Variants in ZNF800 observed in about 807,000 individuals in gnomAD.
The protein encoded by ZNF800 is zinc finger protein 800.
In ZNF800, 13 loss-of-function variants were observed where a neutral mutation model predicts 59.5. That is an observed-to-expected ratio of 0.22 (90% CI 0.14 to 0.35). The LOEUF (loss-of-function observed/expected upper bound fraction) is 0.35, where lower values mean the gene tolerates loss of function less well. ZNF800 is among the 10% of genes least tolerant of loss of function. ZNF800 has a pLI of 1.00. For missense variants in ZNF800, 621 were observed against 783.7 expected (o/e 0.79, Z 2.48); for synonymous variants, 266 against 265.7 (o/e 1.00, Z -0.01).
chr7:127,376,267 T>C (rs563334255), intron 4 of ZNF800, among the ~76,000 whole-genome samples: 16 of 152,046 alleles, frequency 1.1e-4, no homozygotes, highest in Non-Finnish European at 2.2e-4. Context: ...TTGCATTTCA[T>C]ACCAATCCCA....
intron 3 of ZNF800, among the ~76,000 whole-genome samples, chr7:127,379,671 T>C (rs1800896009): frequency 6.6e-6 from 1 of 152,004 alleles, no homozygotes; most frequent in South Asian, 2.1e-4. Flanking sequence ...CACAGAAAAA[T>C]AAAGACACTA....
intron 2 of ZNF800, among the ~76,000 whole-genome samples, chr7:127,386,746 A>G (rs1044697984): frequency 3.3e-5 from 5 of 152,248 alleles, no homozygotes; most frequent in Non-Finnish European, 7.3e-5. Flanking sequence ...AATAGTGACC[A>G]GATTAAATAA....
At chr7:127,381,555 AC>A in intron 3 of ZNF800, among the ~76,000 whole-genome samples, 1 of 152,218 alleles carries the variant, frequency 6.6e-6, no homozygotes, top group East Asian at 1.9e-4. Context: ...TCTAACAAAC[AC>A]TTATTGAGCA....
chr7:127,362,852 A>G (rs1199537518), intron 1 of ZNF800: 1 of 152,152 alleles, frequency 6.6e-6, no homozygotes, highest in Non-Finnish European at 1.5e-5. Context: ...TGTTTTAGGA[A>G]GATATTTCTA....
rs1801364865 is a variant in ZNF800, at chr7:127,392,389, A to G, written c.-388T>C. The G allele has an allele frequency of 2.6e-6, 1 of 380,714 alleles. No homozygotes were observed. Among genetic ancestry groups the G allele is most frequent in the Non-Finnish European group, 4.7e-6 (1 of 214,888 alleles). 23.6% of individuals were successfully genotyped at this position (380,714 alleles called of 1,614,324 possible). Reference sequence around the variant, plus strand: ...CCGCCCGGCAGCAGCTGCCGCCGCCACCACCGAAGGAGCCGGAACCGGAGC... The same window carrying G: ...CCGCCCGGCAGCAGCTGCCGCCGCCGCCACCGAAGGAGCCGGAACCGGAGC... On this transcript the variant is annotated 5_prime_UTR_variant, in exon 1 of 6. Transcript: ENST00000265827.
chr7:127,345,398 C>G (rs1162111233), downstream of ZNF800, among the ~76,000 whole-genome samples: 1 of 151,918 alleles, frequency 6.6e-6, no homozygotes, highest in Non-Finnish European at 1.5e-5. Flanking sequence ...AATGGGAGGA[C>G]AGAAAGGGAG....
At position 127,392,172 on chromosome 7, in the gene ZNF800, G is replaced by C; in HGVS notation, c.-171C>G. The C allele has an allele frequency of 2.5e-6, 1 of 394,792 alleles. No individual in the cohort carries two copies. 24.5% of individuals were successfully genotyped at this position (394,792 alleles called of 1,614,324 possible). Reference sequence around the variant, plus strand: ...GCGGGCCCCACCTGGCGCAGCCTCCGCTGACCACGCGGGGGAACCCGGACT... The same window carrying C: ...GCGGGCCCCACCTGGCGCAGCCTCCCCTGACCACGCGGGGGAACCCGGACT... On this transcript the variant is annotated 5_prime_UTR_variant, in exon 1 of 6. Coordinates refer to ENST00000265827, the MANE Select transcript of ZNF800 (RefSeq NM_176814.5).
chr7:127,376,060 T>C (rs543502914), intron 4 of ZNF800, among the ~76,000 whole-genome samples: 4 of 152,154 alleles, frequency 2.6e-5, no homozygotes, highest in African/African-American at 9.6e-5. Context: ...AATTTTCTAC[T>C]AGTATTTTAA....
chr7:127,367,470 T>C (rs1429493228), downstream of ZNF800, among the ~76,000 whole-genome samples: 1 of 152,174 alleles, frequency 6.6e-6, no homozygotes, highest in Non-Finnish European at 1.5e-5. Flanking sequence ...ACAGGGATAA[T>C]GAAAGAATAG....
chr7:127,379,098 TA>T (rs752616537), intron 3 of ZNF800, among the ~76,000 whole-genome samples: 21 of 152,164 alleles, frequency 1.4e-4, no homozygotes, highest in Non-Finnish European at 3.1e-4. Flanking sequence ...TCAGAAAACA[TA>T]AATTTAAAAA....
At chr7:127,348,185 C>G (rs1363922171) in intron 1 of ZNF800, 1 of 152,150 alleles carries the variant, frequency 6.6e-6, no homozygotes, top group East Asian at 1.9e-4. Context: ...TTTCGCCCAA[C>G]AGGGTGCCAA....
rs908779547 is a variant in ZNF800 at position 127,392,535 on chromosome 7, G to A, written c.-534C>T. 5 of 306,596 alleles carry A rather than the reference G, an allele frequency of 1.6e-5. No homozygotes were observed. The Admixed American group carries it at 2.5e-4, about 16-fold the overall frequency. 19.0% of individuals were successfully genotyped at this position (306,596 alleles called of 1,614,324 possible). On this transcript the variant is annotated 5_prime_UTR_variant, in exon 1 of 6. Transcript: ENST00000265827. ...TAGGAGAGGGGCGGAGAAAAATGGG[G>A]GTCTCCCCCAACCTTGGGCCTTTTC... is the stretch of plus-strand genomic sequence containing the variant.
At chr7:127,357,049 G>C (rs1156579740) in intron 1 of ZNF800, among the ~76,000 whole-genome samples, 2 of 151,994 alleles carry the variant, frequency 1.3e-5, no homozygotes, top group Non-Finnish European at 2.9e-5. Flanking sequence ...TTAAATCAAT[G>C]GTTTCTATCC....
At chr7:127,357,741 A>G (rs971472525) in intron 1 of ZNF800, among the ~76,000 whole-genome samples, 1 of 152,042 alleles carries the variant, frequency 6.6e-6, no homozygotes, top group African/African-American at 2.4e-5. Flanking sequence ...CAACACATAA[A>G]TTAATTCATA....
chr7:127,373,621 A>T lies in ZNF800; in HGVS notation c.1715T>A (p.Val572Glu), dbSNP rs1420620338. 4 of 1,613,978 alleles carry T rather than the reference A, an allele frequency of 2.5e-6. No individual in the cohort carries two copies. The highest frequency in any genetic ancestry group is 2.5e-6 in the Non-Finnish European group (3 of 1,180,006). Residue 572 changes from valine to glutamate, a missense_variant, in exon 5 of 6, where the codon GTG becomes GAG. This residue lies in a region of ZNF800 where 94 missense variants were observed against 108.5 expected (regional missense o/e 0.87). Transcript: ENST00000265827. Reference sequence around the variant, plus strand: ...ATCCCTCGAAGGGCCTCTTTTTGCCACTTTATTTAGAACAAAATCAATAGG... The same window carrying T: ...ATCCCTCGAAGGGCCTCTTTTTGCCTCTTTATTTAGAACAAAATCAATAGG... Reference protein sequence around the residue: ...KKPIDFVLNKVAKRGPSRDEA... With the variant: ...KKPIDFVLNKEAKRGPSRDEA...
At chr7:127,357,401 C>T (rs1362793984) in intron 1 of ZNF800, among the ~76,000 whole-genome samples, 2 of 152,000 alleles carry the variant, frequency 1.3e-5, no homozygotes, top group Non-Finnish European at 2.9e-5. Flanking sequence ...CCTTTATTCC[C>T]TTAGACTCTG....
chr7:127,392,192 C>A lies in ZNF800; in HGVS notation c.-191G>T. On this transcript the variant is annotated 5_prime_UTR_variant, in exon 1 of 6. Transcript: ENST00000265827. Reference sequence around the variant, plus strand: ...CCTCCGCTGACCACGCGGGGGAACCCGGACTCGGGCCCGACGCGCTCCCAA... The same window carrying A: ...CCTCCGCTGACCACGCGGGGGAACCAGGACTCGGGCCCGACGCGCTCCCAA... 1 of 394,816 alleles carries A rather than the reference C, an allele frequency of 2.5e-6. No individual in the cohort carries two copies. The allele number at this position is 394,816 out of a possible 1,614,324, so 24.5% of individuals were successfully genotyped here.
chr7:127,350,688 T>C (rs1281937071), intron 1 of ZNF800, among the ~76,000 whole-genome samples: 14 of 152,210 alleles, frequency 9.2e-5, no homozygotes, highest in Admixed American at 9.2e-4. Context: ...AGCAGATTTC[T>C]GTCTGGTTAG....
At position 127,370,170 on chromosome 7, in the gene ZNF800, A is replaced by G. The variant is rs528506971; in HGVS notation, c.*1644T>C. 26 of 152,314 alleles carry G rather than the reference A, an allele frequency of 1.7e-4. No homozygotes were observed. Among genetic ancestry groups the G allele is most frequent in the Admixed American group, 1.3e-3 (20 of 15,298 alleles). 9.4% of individuals were successfully genotyped at this position (152,314 alleles called of 1,614,324 possible). A position where few individuals can be genotyped will look rare whatever the true frequency, so the allele number is the denominator to read the frequency against. Reference sequence around the variant, plus strand: ...TTATTAAAGTTAGATCTATAAGTACAAATTTTCAATATGTGGGAAAGTAAA... The same window carrying G: ...TTATTAAAGTTAGATCTATAAGTACGAATTTTCAATATGTGGGAAAGTAAA... On this transcript the variant is annotated 3_prime_UTR_variant, in exon 6 of 6. Transcript: ENST00000265827.
Sources: gnomAD v4.1 joint callset for allele counts (sites outside exome capture counted in the v4.1 genomes callset) on GRCh38, gnomAD v4.1.1 for gene constraint, gnomAD v4.1.1 regional missense constraint, MANE v1.5 for transcripts, NCBI Gene and HGNC (gene_info 2026-07-23, HGNC 2026-07-21) for gene names.